ARHGAP15: variants seen among roughly 807,000 people sequenced by gnomAD.
The protein encoded by ARHGAP15 is Rho GTPase activating protein 15, also known as rho GTPase-activating protein 15.
ARHGAP15 carries 51 observed loss-of-function variants against 63.7 expected under a neutral mutation model. The ratio of observed to expected loss-of-function variants is 0.80; its 90% confidence interval spans 0.64 to 1.01. ARHGAP15 has a LOEUF of 1.01. ARHGAP15 is among the 50% of genes least tolerant of loss of function. The pLI, the probability that ARHGAP15 is intolerant of heterozygous loss-of-function variation, is 0.00. For synonymous variants in ARHGAP15, 191 were observed against 193.8 expected (o/e 0.99, Z 0.12); for missense variants, 560 against 564.6 (o/e 0.99, Z 0.08).
intron 10 of ARHGAP15, among the ~76,000 whole-genome samples, chr2:143,535,884 G>A (rs1205315454): frequency 1.3e-5 from 2 of 152,096 alleles, no homozygotes; most frequent in African/African-American, 4.8e-5. Flanking sequence ...TTTCATAAAT[G>A]TTGTATCAAT....
chr2:143,199,008 A>G (rs1691998580), intron 2 of ARHGAP15, among the ~76,000 whole-genome samples: 1 of 152,118 alleles, frequency 6.6e-6, no homozygotes, highest in Non-Finnish European at 1.5e-5. Flanking sequence ...TTCAGTGGAG[A>G]GTATAAATCT....
At chr2:143,329,069 C>A (rs1323607992) in intron 6 of ARHGAP15, among the ~76,000 whole-genome samples, 1 of 152,208 alleles carries the variant, frequency 6.6e-6, no homozygotes, top group Non-Finnish European at 1.5e-5. Flanking sequence ...ATGATACAAC[C>A]TTGCCCTCAC....
rs1683957484 is a variant in ARHGAP15 at position 143,320,409 on chromosome 2, C to CCCCCCCCCCCCCCG, written c.474+69822_474+69823insGCCCCCCCCCCCCC. On this transcript the variant is annotated intron_variant, in intron 6 of 13. Transcript: ENST00000295095. ...AATGCCACAAATCAGGACTTCCCCACCCCCCCCCCCCCCAGAGATCCTATG... is the reference window on the plus strand; with the variant it reads ...AATGCCACAAATCAGGACTTCCCCACCCCCCCCCCCCCCGCCCCCCCCCCCCCAGAGATCCTATG... 2.6e-4 allele frequency among the ~76,000 whole-genome samples: 4 copies of CCCCCCCCCCCCCCG among 15,130 alleles called. 1 individual carries two copies. The highest frequency in any genetic ancestry group is 8.6e-4 in the Non-Finnish European group (3 of 3,484). The allele number at this position is 15,130 out of a possible 152,430, so 9.9% of individuals were successfully genotyped here.
intron 11 of ARHGAP15, among the ~76,000 whole-genome samples, chr2:143,560,214 C>T (rs1695964286): frequency 6.6e-6 from 1 of 152,132 alleles, no homozygotes; most frequent in African/African-American, 2.4e-5. Context: ...AAGTTATATT[C>T]AAAGTGTTCA....
intron 11 of ARHGAP15, among the ~76,000 whole-genome samples, chr2:143,578,214 A>C (rs1464657954): frequency 6.6e-6 from 1 of 152,122 alleles, no homozygotes; most frequent in Non-Finnish European, 1.5e-5. Flanking sequence ...ATTTATACAT[A>C]ATCTTTGAAA....
intron 2 of ARHGAP15, among the ~76,000 whole-genome samples, chr2:143,184,484 C>T (rs908361224): frequency 6.6e-6 from 1 of 152,030 alleles, no homozygotes; most frequent in Non-Finnish European, 1.5e-5. Flanking sequence ...TCTTATGTGG[C>T]CTCAAGGAAA....
chr2:143,510,796 C>G (rs1022107362), intron 9 of ARHGAP15, among the ~76,000 whole-genome samples: 2 of 152,212 alleles, frequency 1.3e-5, no homozygotes, highest in African/African-American at 4.8e-5. Context: ...GCTCTGTGTT[C>G]CGCATGTGTG....
At chr2:143,135,152 G>T (rs1029470489) in intron 1 of ARHGAP15, among the ~76,000 whole-genome samples, 1 of 152,156 alleles carries the variant, frequency 6.6e-6, no homozygotes, top group African/African-American at 2.4e-5. Context: ...GAATGCAGAT[G>T]AATTGGATAT....
At chr2:143,463,586 T>G (rs1158239103) in intron 8 of ARHGAP15, among the ~76,000 whole-genome samples, 1 of 152,048 alleles carries the variant, frequency 6.6e-6, no homozygotes, top group Admixed American at 6.6e-5. Context: ...GTGTCTATAA[T>G]AAATCAGAAC....
chr2:143,696,840 C>A (rs1683869330), intron 12 of ARHGAP15, among the ~76,000 whole-genome samples: 3 of 152,148 alleles, frequency 2.0e-5, no homozygotes, highest in African/African-American at 7.2e-5. Flanking sequence ...AAAGAAATGT[C>A]TTATTTGAGT....
chr2:143,178,712 G>T (rs1440785787), intron 2 of ARHGAP15, among the ~76,000 whole-genome samples: 1 of 152,084 alleles, frequency 6.6e-6, no homozygotes, highest in Non-Finnish European at 1.5e-5. Context: ...TCCCGCCTCA[G>T]CCTCCCATAG....
At chr2:143,306,407 G>A (rs1412585849) in intron 6 of ARHGAP15, among the ~76,000 whole-genome samples, 1 of 152,082 alleles carries the variant, frequency 6.6e-6, no homozygotes, top group African/African-American at 2.4e-5. Flanking sequence ...CATTGGCTCT[G>A]TCATTTACTA....
At chr2:143,651,660 C>G (rs1574774805) in intron 12 of ARHGAP15, among the ~76,000 whole-genome samples, 1 of 151,966 alleles carries the variant, frequency 6.6e-6, no homozygotes, top group African/African-American at 2.4e-5. Context: ...TGCAGAGTAA[C>G]TATATCATTT....
In ARHGAP15 at chr2:143,681,877, C is replaced by G. The variant is rs191985827; in HGVS notation, c.1139-21542C>G. 9.2e-5 allele frequency among the ~76,000 whole-genome samples: 14 copies of G among 152,274 alleles called. No homozygotes were observed. The East Asian group carries it at 2.7e-3, about 29-fold the overall frequency. ...AAGCAGCACTCTGCAGCTTGGTGCC[C>G]TATTCATAGTGTCAAGCAGCTACAG... On this transcript the variant is annotated intron_variant, in intron 12 of 13. Transcript: ENST00000295095.
intron 2 of ARHGAP15, among the ~76,000 whole-genome samples, chr2:143,161,256 A>G (rs934520227): frequency 1.3e-5 from 2 of 151,946 alleles, no homozygotes; most frequent in African/African-American, 4.8e-5. Context: ...GTGTTTCCAG[A>G]GGGGAGAAAA....
chr2:143,162,860 G>A (rs189559), intron 2 of ARHGAP15, among the ~76,000 whole-genome samples: 152,020 of 152,150 alleles, frequency 1, 75,945 homozygotes, highest in Non-Finnish European at 1. Context: ...TTTACCAGAT[G>A]TTAACACCCA....
chr2:143,417,007 C>T (rs771634092), intron 6 of ARHGAP15, among the ~76,000 whole-genome samples: 36 of 152,062 alleles, frequency 2.4e-4, no homozygotes, highest in Admixed American at 3.9e-4. Flanking sequence ...AGGGATTCTG[C>T]GAAGTCTCTG....
At chr2:143,430,683 A>G (rs1459507071) in intron 6 of ARHGAP15, among the ~76,000 whole-genome samples, 1 of 152,056 alleles carries the variant, frequency 6.6e-6, no homozygotes, top group East Asian at 1.9e-4. Context: ...ATTCACTTCA[A>G]ATAAAGTTAG....
chr2:143,318,285 T>A (rs1053782144), intron 6 of ARHGAP15, among the ~76,000 whole-genome samples: 3 of 152,128 alleles, frequency 2.0e-5, no homozygotes, highest in African/African-American at 7.2e-5. Context: ...GGTTTATAGG[T>A]GTGAGCCACC....
Sources: gnomAD v4.1 joint callset for allele counts (sites outside exome capture counted in the v4.1 genomes callset) on GRCh38, gnomAD v4.1.1 for gene constraint, MANE v1.5 for transcripts, NCBI Gene and HGNC (gene_info 2026-07-23, HGNC 2026-07-21) for gene names.